DAB1: variants seen among roughly 807,000 people sequenced by gnomAD.
The protein encoded by DAB1 is DAB adaptor protein 1, also known as disabled homolog 1.
DAB1 carries 15 observed loss-of-function variants against 64.6 expected under a neutral mutation model. That is an observed-to-expected ratio of 0.23 (90% CI 0.16 to 0.36). The LOEUF is 0.36. DAB1 is among the 10% of genes least tolerant of loss of function. The probability of loss-of-function intolerance (pLI) is 1.00; values close to 1 mark genes in which losing one functional copy is unlikely to be tolerated. For synonymous variants in DAB1, 235 were observed against 251.9 expected (o/e 0.93, Z 0.64); for missense variants, 596 against 706.7 (o/e 0.84, Z 1.78).
At chr1:57,310,732 T>C (rs191391353) in intron 1 of DAB1, among the ~76,000 whole-genome samples, 182 of 152,328 alleles carry the variant, frequency 1.2e-3, no homozygotes, top group African/African-American at 4.1e-3. Context: ...AGCTTCAAAA[T>C]GCTACTGTCA....
At chr1:58,126,285 T>C (rs1014457111) in intron 5 of DAB1, among the ~76,000 whole-genome samples, 1 of 152,052 alleles carries the variant, frequency 6.6e-6, no homozygotes, top group African/African-American at 2.4e-5. Flanking sequence ...CCCTCAATAC[T>C]TCTCGGCCTC....
chr1:58,118,561 A>T (rs1240960680), intron 5 of DAB1, among the ~76,000 whole-genome samples: 1 of 92,860 alleles, frequency 1.1e-5, no homozygotes, highest in African/African-American at 6.6e-5. Flanking sequence ...ATATATATAA[A>T]ATACATATAT....
At chr1:57,589,587 T>C (rs913689684) in intron 7 of DAB1, among the ~76,000 whole-genome samples, 1 of 152,006 alleles carries the variant, frequency 6.6e-6, no homozygotes, top group Admixed American at 6.6e-5. Context: ...AGAAACACCA[T>C]CTCTACTAAA....
intron 5 of DAB1, among the ~76,000 whole-genome samples, chr1:57,941,767 G>A (rs1040895221): frequency 6.6e-6 from 1 of 152,130 alleles, no homozygotes; most frequent in African/African-American, 2.4e-5. Flanking sequence ...TCCAGAAGGC[G>A]GAGGTTGCAG....
chr1:57,675,790 C>T (rs1646559586), intron 6 of DAB1, among the ~76,000 whole-genome samples: 1 of 152,088 alleles, frequency 6.6e-6, no homozygotes, highest in African/African-American at 2.4e-5. Flanking sequence ...GGCATTTGTG[C>T]TTCAGTGGTC....
intron 6 of DAB1, among the ~76,000 whole-genome samples, chr1:57,730,442 C>T (rs1647360324): frequency 6.6e-6 from 1 of 152,204 alleles, no homozygotes; most frequent in Non-Finnish European, 1.5e-5. Context: ...AAGATGTGTT[C>T]AACTAGTCAG....
At chr1:57,806,696 C>A (rs914469119) in intron 6 of DAB1, among the ~76,000 whole-genome samples, 1 of 152,152 alleles carries the variant, frequency 6.6e-6, no homozygotes. Context: ...GCTCGTTCTT[C>A]CATCTACCTG....
chr1:57,080,006 T>C (rs1403194591), intron 4 of DAB1, among the ~76,000 whole-genome samples: 3 of 152,208 alleles, frequency 2.0e-5, no homozygotes, highest in Non-Finnish European at 2.9e-5. Flanking sequence ...TCAAGTACAG[T>C]GCCTGATGTA....
At chr1:58,291,017 AAG>A (rs1474868957) in intron 4 of DAB1, among the ~76,000 whole-genome samples, 2 of 152,186 alleles carry the variant, frequency 1.3e-5, no homozygotes, top group African/African-American at 2.4e-5. Context: ...AGGAGAGAGA[AAG>A]AGAAATTGTC....
intron 7 of DAB1, among the ~76,000 whole-genome samples, chr1:57,553,569 T>C (rs1337269944): frequency 5.3e-5 from 8 of 150,984 alleles, no homozygotes; most frequent in Admixed American, 5.3e-4. Context: ...CTTAAAAGCC[T>C]CCCTACTCAG....
At chr1:57,047,166 T>C (rs1252007137) in intron 9 of DAB1, among the ~76,000 whole-genome samples, 1 of 152,224 alleles carries the variant, frequency 6.6e-6, no homozygotes, top group East Asian at 1.9e-4. Flanking sequence ...TCCTCTGATC[T>C]TCAATATCCT....
At chr1:58,167,838 G>T (rs1221484530) in intron 4 of DAB1, among the ~76,000 whole-genome samples, 1 of 152,052 alleles carries the variant, frequency 6.6e-6, no homozygotes, top group South Asian at 2.1e-4. Context: ...CCATGAACCC[G>T]CCAGAAGGAA....
intron 4 of DAB1, among the ~76,000 whole-genome samples, chr1:57,092,680 T>TG (rs1225551767): frequency 1.0e-4 from 5 of 50,060 alleles, no homozygotes; most frequent in Admixed American, 2.7e-4. Context: ...GGGAGGGGGG[T>TG]GGGGGGGCAT....
intron 2 of DAB1, among the ~76,000 whole-genome samples, chr1:57,231,762 C>G (rs1397314517): frequency 6.6e-6 from 1 of 152,144 alleles, no homozygotes; most frequent in Non-Finnish European, 1.5e-5. Context: ...TTTTTTCTCT[C>G]TACTAATCTG....
At chr1:58,012,478 A>C (rs1646682154) in intron 5 of DAB1, among the ~76,000 whole-genome samples, 4 of 152,128 alleles carry the variant, frequency 2.6e-5, no homozygotes, top group Admixed American at 2.0e-4. Context: ...CCTAAAACTT[A>C]AAGTATAATA....
intron 3 of DAB1, among the ~76,000 whole-genome samples, chr1:58,399,936 C>T (rs756142168): frequency 6.6e-6 from 1 of 152,036 alleles, no homozygotes; most frequent in Admixed American, 6.6e-5. Flanking sequence ...ATGAACCAGA[C>T]ATTGTTTTAT....
At chr1:58,118,503 T>TATATATACATACAC (rs1341446315) in intron 5 of DAB1, among the ~76,000 whole-genome samples, 3 of 53,108 alleles carry the variant, frequency 5.6e-5, no homozygotes, top group East Asian at 1.3e-3. Flanking sequence ...TATATATATA[T>TATATATACATACAC]ACACACACAC....
chr1:57,557,594 T>A (rs1257530012), intron 7 of DAB1, among the ~76,000 whole-genome samples: 2 of 151,986 alleles, frequency 1.3e-5, no homozygotes, highest in African/African-American at 4.8e-5. Flanking sequence ...GGTTTTGGGG[T>A]TTCTGGAGTT....
intron 2 of DAB1, among the ~76,000 whole-genome samples, chr1:57,276,222 C>T (rs1214102926): frequency 6.6e-6 from 1 of 152,228 alleles, no homozygotes; most frequent in Non-Finnish European, 1.5e-5. Context: ...ACTGTTCTCA[C>T]TCATCGCCAG....
Sources: allele counts gnomAD v4.1 joint callset (sites outside exome capture counted in the v4.1 genomes callset), GRCh38; gene constraint gnomAD v4.1.1; transcripts MANE v1.5; gene names NCBI Gene and HGNC (gene_info 2026-07-23, HGNC 2026-07-21).